Variants in KDM6A observed in about 807,000 individuals in gnomAD.
KDM6A encodes lysine demethylase 6A, also known as lysine-specific demethylase 6A.
Under a neutral mutation model 117.6 loss-of-function variants are expected in KDM6A, and 11 were observed. The observed-to-expected ratio is 0.09, with a 90% CI of 0.06 to 0.15. KDM6A has a LOEUF of 0.15. KDM6A is among the 10% of genes least tolerant of loss of function. KDM6A has a pLI of 1.00. For missense variants in KDM6A, 799 were observed against 1,077.3 expected (o/e 0.74, Z 3.62); for synonymous variants, 384 against 396.1 (o/e 0.97, Z 0.36).
At chrX:44,990,509 C>A (rs1399795550) in intron 4 of KDM6A, among the ~76,000 whole-genome samples, 1 of 109,027 alleles carries the variant, frequency 9.2e-6, no homozygotes, top group Non-Finnish European at 1.9e-5. Context: ...GAGATTGCGC[C>A]GTTGCACTCC....
chrX:45,003,394 CT>C (rs397896934), intron 4 of KDM6A, among the ~76,000 whole-genome samples: 3,702 of 75,470 alleles, frequency 0.049, 246 homozygotes, highest in African/African-American at 0.16. Flanking sequence ...AATTATCCTT[CT>C]TTTTTTTTTT....
At chrX:45,037,599 G>C (rs1386048265) in intron 7 of KDM6A, 56 bp from the exon 8 acceptor site, 10 of 960,267 alleles carry the variant, frequency 1.0e-5, no homozygotes, top group Non-Finnish European at 1.3e-5. Context: ...TACTTAATTT[G>C]CCCCAAATTC....
chrX:45,067,587 T>A (rs1299245438), intron 17 of KDM6A, among the ~76,000 whole-genome samples: 1 of 110,735 alleles, frequency 9.0e-6, no homozygotes, highest in African/African-American at 3.3e-5. Flanking sequence ...TGAACTTTGT[T>A]ACTTATTAAA....
chrX:45,060,219 G>T, intron 13 of KDM6A, 63 bp downstream of exon 13: 1 of 1,199,465 alleles, frequency 8.3e-7, no homozygotes, highest in Non-Finnish European at 1.1e-6. Context: ...ATTCTCTAGT[G>T]GTCAAGCTTA....
intron 18 of KDM6A, among the ~76,000 whole-genome samples, chrX:45,074,553 A>G (rs2045025119): frequency 1.8e-5 from 2 of 112,094 alleles, no homozygotes; most frequent in African/African-American, 6.5e-5. Context: ...TCAGCATTTC[A>G]AACACAATAA....
chrX:45,086,228 G>T, intron 25 of KDM6A: 1 of 307,877 alleles, frequency 3.2e-6, no homozygotes, highest in Non-Finnish European at 5.8e-6. Context: ...GAAAAGTTGA[G>T]TTATTAGTTT....
intron 2 of KDM6A, among the ~76,000 whole-genome samples, chrX:44,899,004 GGTGT>G (rs745714866): frequency 0.011 from 870 of 79,591 alleles, 6 homozygotes; most frequent in Middle Eastern, 0.039. Context: ...GGAGAGGGAG[GGTGT>G]GTGTGTGTGT....
chrX:45,021,907 T>A (rs1268620164), intron 6 of KDM6A, among the ~76,000 whole-genome samples: 1 of 112,140 alleles, frequency 8.9e-6, no homozygotes, highest in Admixed American at 9.5e-5. Flanking sequence ...GACACCATAC[T>A]GTGGGACGTC....
At chrX:44,909,068 A>G (rs765319117) in intron 2 of KDM6A, among the ~76,000 whole-genome samples, 5 of 111,983 alleles carry the variant, frequency 4.5e-5, no homozygotes, top group Non-Finnish European at 7.5e-5. Context: ...AGTAGTAGCA[A>G]TTTGAAGCAT....
At chrX:44,892,179 T>C (rs759204681) in intron 2 of KDM6A, among the ~76,000 whole-genome samples, 23 of 112,583 alleles carry the variant, frequency 2.0e-4, no homozygotes, top group Non-Finnish European at 4.1e-4. Context: ...TATTCTTCTT[T>C]GTCAAGGTTG....
chrX:44,927,253 G>A (rs1210110307), intron 2 of KDM6A, among the ~76,000 whole-genome samples: 1 of 111,084 alleles, frequency 9.0e-6, no homozygotes, highest in Non-Finnish European at 1.9e-5. Flanking sequence ...TCTCCCTTCA[G>A]TAGAGACGCA....
At chrX:45,038,316 T>G (rs1438339511) in intron 8 of KDM6A, among the ~76,000 whole-genome samples, 6 of 111,814 alleles carry the variant, frequency 5.4e-5, no homozygotes, top group Non-Finnish European at 3.8e-5. Flanking sequence ...CCAGATGCCT[T>G]CCTTTCTTTT....
chrX:44,989,231 G>A (rs751455083), intron 4 of KDM6A, among the ~76,000 whole-genome samples: 3 of 99,950 alleles, frequency 3.0e-5, no homozygotes, highest in South Asian at 5.2e-4. Context: ...CTGGTATGCC[G>A]TTTGCTAAGA....
At chrX:44,911,860 A>G (rs2035204377) in intron 2 of KDM6A, among the ~76,000 whole-genome samples, 1 of 111,548 alleles carries the variant, frequency 9.0e-6, no homozygotes, top group Non-Finnish European at 1.9e-5. Context: ...CCCCGTCTCT[A>G]CCAAAAAAAT....
rs1245277829 is a variant in KDM6A, at chrX:44,873,396, C to G, written c.-156C>G. On this transcript the variant is annotated 5_prime_UTR_variant, in exon 1 of 30. Coordinates refer to ENST00000611820, the MANE Select transcript of KDM6A (RefSeq NM_001291415.2). Reference sequence around the variant, plus strand: ...CCGCCGCCGCCGCCGCCTTCACCGCCGCCGCGTTGGGATTTTTCGTCGCCG... The same window carrying G: ...CCGCCGCCGCCGCCGCCTTCACCGCGGCCGCGTTGGGATTTTTCGTCGCCG... 1 of 804,027 alleles carries G rather than the reference C, an allele frequency of 1.2e-6. No individual in the cohort carries two copies. Among genetic ancestry groups the G allele is most frequent in the Admixed American group, 3.6e-5 (1 of 27,693 alleles). The allele number at this position is 804,027 out of a possible 1,213,427, so 66.3% of individuals were successfully genotyped here.
At chrX:45,086,096 G>A (rs1173728191) in intron 25 of KDM6A, 117 bp downstream of exon 25, 6 of 489,472 alleles carry the variant, frequency 1.2e-5, no homozygotes, top group East Asian at 1.1e-4. Context: ...TTACCATTCA[G>A]CGAAGAATTC....
chrX:45,022,452 G>A (rs1046462647), intron 6 of KDM6A, among the ~76,000 whole-genome samples: 3 of 111,688 alleles, frequency 2.7e-5, no homozygotes, highest in Admixed American at 1.9e-4. Context: ...CGTCCCTAGA[G>A]TGTGAAGGTT....
intron 4 of KDM6A, among the ~76,000 whole-genome samples, chrX:44,991,822 G>A (rs1039982038): frequency 6.4e-5 from 7 of 108,892 alleles, no homozygotes; most frequent in Non-Finnish European, 1.3e-4. Flanking sequence ...GAGTAGCTGG[G>A]ATTACAGCTG....
intron 2 of KDM6A, among the ~76,000 whole-genome samples, chrX:44,875,279 C>G (rs1466527416): frequency 8.9e-6 from 1 of 112,083 alleles, no homozygotes; most frequent in African/African-American, 3.2e-5. Context: ...GAATTTTTGT[C>G]TGTAGCTTGG....
Sources: gnomAD v4.1 joint callset for allele counts (sites outside exome capture counted in the v4.1 genomes callset) on GRCh38, gnomAD v4.1.1 for gene constraint, MANE v1.5 for transcripts, NCBI Gene and HGNC (gene_info 2026-07-23, HGNC 2026-07-21) for gene names.